The following UNC5D variants were observed in gnomAD, a reference collection of about 807,000 sequenced individuals.
The protein encoded by UNC5D is netrin receptor UNC5D.
UNC5D carries 39 observed loss-of-function variants against 105.4 expected under a neutral mutation model. The observed-to-expected ratio is 0.37, with a 90% CI of 0.29 to 0.48. The LOEUF (loss-of-function observed/expected upper bound fraction) is 0.48, where lower values mean the gene tolerates loss of function less well. Among genes scored for constraint, UNC5D ranks in the 20% least tolerant of loss-of-function variants. The pLI is 0.98. For missense variants in UNC5D, 991 were observed against 1,202.4 expected (o/e 0.82, Z 2.60); for synonymous variants, 452 against 450.4 (o/e 1.00, Z -0.04).
intron 1 of UNC5D, among the ~76,000 whole-genome samples, chr8:35,391,509 T>C (rs942903281): frequency 1.3e-5 from 2 of 152,188 alleles, no homozygotes; most frequent in Non-Finnish European, 2.9e-5. Flanking sequence ...CTATTCTGGG[T>C]CCATGCCCCC....
At chr8:35,686,484 T>C in intron 6 of UNC5D, 61 bp from the exon 7 acceptor site, 1 of 1,482,484 alleles carries the variant, frequency 6.7e-7, no homozygotes. Flanking sequence ...AGTCCTGGGG[T>C]GAGTCTCCTG....
At chr8:35,506,619 G>T (rs1812321245) in intron 1 of UNC5D, among the ~76,000 whole-genome samples, 1 of 152,242 alleles carries the variant, frequency 6.6e-6, no homozygotes, top group South Asian at 2.1e-4. Context: ...TGTTTGAACT[G>T]AAGTATTTCG....
At chr8:35,583,419 T>G (rs1473465378) in intron 3 of UNC5D, among the ~76,000 whole-genome samples, 2 of 152,086 alleles carry the variant, frequency 1.3e-5, no homozygotes, top group Non-Finnish European at 2.9e-5. Context: ...ATGACCAGCA[T>G]AGTCTTTCCA....
intron 10 of UNC5D, chr8:35,726,767 G>A: frequency 3.4e-6 from 2 of 596,620 alleles, no homozygotes; most frequent in Non-Finnish European, 5.7e-6. Context: ...TGTTAGAGCT[G>A]ATAACTATAT....
intron 1 of UNC5D, among the ~76,000 whole-genome samples, chr8:35,278,099 G>A (rs987792942): frequency 1.3e-5 from 2 of 152,164 alleles, no homozygotes; most frequent in African/African-American, 4.8e-5. Context: ...CAGCCAGCCA[G>A]GACTGGGCTC....
At chr8:35,496,757 A>G (rs1158858380) in intron 1 of UNC5D, among the ~76,000 whole-genome samples, 1 of 152,176 alleles carries the variant, frequency 6.6e-6, no homozygotes, top group Non-Finnish European at 1.5e-5. Flanking sequence ...AACACCCTAG[A>G]AAGAAATCCT....
At chr8:35,569,167 A>G (rs1008175796) in intron 3 of UNC5D, among the ~76,000 whole-genome samples, 10 of 152,122 alleles carry the variant, frequency 6.6e-5, no homozygotes, top group Non-Finnish European at 1.2e-4. Flanking sequence ...TTATAATTTT[A>G]AAAAAGTTTC....
In UNC5D at chr8:35,790,499, C is replaced by CA. The variant is rs1672249353; in HGVS notation, c.2801dup (p.Asn934LysfsTer8). 2 of 1,613,916 alleles carry CA rather than the reference C, an allele frequency of 1.2e-6. No homozygotes were observed. The highest frequency in any genetic ancestry group is 1.7e-6 in the Non-Finnish European group (2 of 1,179,870). ...ATTGGGAGGACACACACGAAACTCT[C>CA]AAACATTTCAGAATCCCAGCTTGAT... On this transcript the variant is annotated frameshift_variant, in exon 17 of 17. Transcript: ENST00000404895. LOFTEE classifies it high-confidence loss of function.
At chr8:35,427,147 C>G in intron 1 of UNC5D, among the ~76,000 whole-genome samples, 1 of 152,166 alleles carries the variant, frequency 6.6e-6, no homozygotes, top group East Asian at 1.9e-4. Flanking sequence ...TCAGGGTTCC[C>G]CCCAACTACC....
intron 3 of UNC5D, among the ~76,000 whole-genome samples, chr8:35,589,715 C>T (rs560490618): frequency 6.6e-6 from 1 of 152,266 alleles, no homozygotes; most frequent in East Asian, 1.9e-4. Flanking sequence ...TATGGATTTA[C>T]CTCTTCTGTA....
chr8:35,325,598 A>G (rs1053006666), intron 1 of UNC5D, among the ~76,000 whole-genome samples: 8 of 152,168 alleles, frequency 5.3e-5, no homozygotes, highest in Admixed American at 3.3e-4. Flanking sequence ...TAGTTCTGCT[A>G]TACACTCACC....
chr8:35,238,257 C>G (rs1313682792), intron 1 of UNC5D, among the ~76,000 whole-genome samples: 2 of 151,762 alleles, frequency 1.3e-5, no homozygotes, highest in African/African-American at 4.8e-5. Flanking sequence ...TCTTTCCTTT[C>G]CCTCCATACT....
At chr8:35,474,321 T>A (rs953544130) in intron 1 of UNC5D, among the ~76,000 whole-genome samples, 3 of 152,358 alleles carry the variant, frequency 2.0e-5, no homozygotes, top group African/African-American at 7.2e-5. Context: ...TGTTCCTTTT[T>A]GTTTGATACT....
intron 1 of UNC5D, among the ~76,000 whole-genome samples, chr8:35,303,575 G>T (rs924660735): frequency 2.0e-5 from 3 of 152,116 alleles, no homozygotes; most frequent in Non-Finnish European, 4.4e-5. Flanking sequence ...CTAACTTCTG[G>T]TATAAAAATT....
chr8:35,447,333 A>G (rs1807865439), intron 1 of UNC5D, among the ~76,000 whole-genome samples: 1 of 152,062 alleles, frequency 6.6e-6, no homozygotes, highest in African/African-American at 2.4e-5. Context: ...GGGTTAATTA[A>G]TTTGTCCAAG....
At chr8:35,335,187 A>G (rs1810931585) in intron 1 of UNC5D, among the ~76,000 whole-genome samples, 1 of 152,130 alleles carries the variant, frequency 6.6e-6, no homozygotes, top group Non-Finnish European at 1.5e-5. Context: ...TTTCCCATTG[A>G]TGGGCGCTGG....
chr8:35,423,181 G>C (rs1240575006), intron 1 of UNC5D, among the ~76,000 whole-genome samples: 1 of 152,198 alleles, frequency 6.6e-6, no homozygotes, highest in African/African-American at 2.4e-5. Flanking sequence ...AGTTGGTGAG[G>C]AGAGAACAGA....
At chr8:35,489,441 C>T (rs964248199) in intron 1 of UNC5D, among the ~76,000 whole-genome samples, 2 of 152,116 alleles carry the variant, frequency 1.3e-5, no homozygotes, top group African/African-American at 4.8e-5. Flanking sequence ...TAACATGAGT[C>T]CATCAGGGTG....
Position 35,540,444 on chromosome 8 carries a change from G to GGTGTGTGTGTGTGTGT in UNC5D, c.104-8825_104-8810dup, listed in dbSNP as rs11467586. 7.7e-5 allele frequency among the ~76,000 whole-genome samples: 11 copies of GGTGTGTGTGTGTGTGT among 142,792 alleles called. 1 individual carries two copies. The highest frequency in any genetic ancestry group is 2.8e-4 in the African/African-American group (11 of 39,406). 93.7% of individuals were successfully genotyped at this position (142,792 alleles called of 152,430 possible). A position where few individuals can be genotyped will look rare whatever the true frequency, so the allele number is the denominator to read the frequency against. ...TTTATATTCTTTCACAAAGCAGAGG[G>GGTGTGTGTGTGTGTGT]GTGTGTGTGTGTGTGTGTGTGTGTG... On this transcript the variant is annotated intron_variant, in intron 1 of 16. Coordinates refer to ENST00000404895, the MANE Select transcript of UNC5D (RefSeq NM_080872.4).
Sources: gnomAD v4.1 joint callset for allele counts (sites outside exome capture counted in the v4.1 genomes callset) on GRCh38, gnomAD v4.1.1 for gene constraint, MANE v1.5 for transcripts, NCBI Gene and HGNC (gene_info 2026-07-23, HGNC 2026-07-21) for gene names.